RIMS2: variants seen among roughly 807,000 people sequenced by gnomAD.
RIMS2 encodes regulating synaptic membrane exocytosis 2, also known as regulating synaptic membrane exocytosis protein 2.
RIMS2 carries 59 observed loss-of-function variants against 174.4 expected under a neutral mutation model. The ratio of observed to expected loss-of-function variants is 0.34; its 90% CI spans 0.27 to 0.42. The LOEUF (loss-of-function observed/expected upper bound fraction) is 0.42. Among genes scored for constraint, RIMS2 ranks in the 10% least tolerant of loss-of-function variants. The probability of loss-of-function intolerance (pLI) is 1.00; values close to 1 mark genes in which losing one functional copy is unlikely to be tolerated. For synonymous variants in RIMS2, 606 were observed against 572.5 expected (o/e 1.06, Z -0.84); for missense variants, 1,620 against 1,666.3 (o/e 0.97, Z 0.48).
intron 17 of RIMS2, among the ~76,000 whole-genome samples, chr8:104,009,766 T>G (rs976695226): frequency 1.6e-4 from 25 of 152,168 alleles, no homozygotes; most frequent in African/African-American, 6.0e-4. Context: ...TTTTACAAAT[T>G]TACTTTTCAA....
chr8:103,774,259 GTGTT>G (rs1469079229), intron 3 of RIMS2, among the ~76,000 whole-genome samples: 1 of 152,166 alleles, frequency 6.6e-6, no homozygotes, highest in Non-Finnish European at 1.5e-5. Flanking sequence ...CATTAGAAAA[GTGTT>G]TGACAGTTTC....
intron 3 of RIMS2, among the ~76,000 whole-genome samples, chr8:103,795,673 AG>A (rs2098544775): frequency 6.6e-6 from 1 of 152,146 alleles, no homozygotes; most frequent in Non-Finnish European, 1.5e-5. Context: ...GCGTCCTAAA[AG>A]CAAAAGATAC....
chr8:103,801,589 T>G (rs1259377414), intron 3 of RIMS2, among the ~76,000 whole-genome samples: 1 of 152,224 alleles, frequency 6.6e-6, no homozygotes. Context: ...CCTTTATATC[T>G]GCCAGTACTA....
intron 3 of RIMS2, among the ~76,000 whole-genome samples, chr8:103,811,745 T>C (rs2098689219): frequency 6.6e-6 from 1 of 152,224 alleles, no homozygotes; most frequent in South Asian, 2.1e-4. Flanking sequence ...CACACCCAGC[T>C]GTTGCGAGGT....
At chr8:104,253,321 AC>A (rs2099363236), downstream of RIMS2, 1 of 152,188 alleles carries the variant, frequency 6.6e-6, no homozygotes, top group Non-Finnish European at 1.5e-5. Context: ...GTTTCCATTT[AC>A]TATGTGAATA....
chr8:103,898,042 G>A (rs2099300260), intron 4 of RIMS2, among the ~76,000 whole-genome samples: 1 of 151,516 alleles, frequency 6.6e-6, no homozygotes, highest in South Asian at 2.1e-4. Flanking sequence ...TTGGTGGTAG[G>A]TACAAGAGGT....
intron 3 of RIMS2, among the ~76,000 whole-genome samples, chr8:103,795,230 T>C (rs1005947816): frequency 6.6e-6 from 1 of 152,178 alleles, no homozygotes; most frequent in Non-Finnish European, 1.5e-5. Context: ...GTGGCACATA[T>C]ACACCTTGTA....
At chr8:104,106,037 CAAAAAAAAAAAAAAA>C (rs575916023) in intron 19 of RIMS2, among the ~76,000 whole-genome samples, 45 of 56,918 alleles carry the variant, frequency 7.9e-4, no homozygotes, top group Admixed American at 5.7e-3. Flanking sequence ...GACTCTGCCA[CAAAAAAAAAAAAAAA>C]AAAAAAAAAA....
chr8:103,813,314 A>C (rs2098699999), intron 3 of RIMS2, among the ~76,000 whole-genome samples: 1 of 152,156 alleles, frequency 6.6e-6, no homozygotes, highest in Non-Finnish European at 1.5e-5. Flanking sequence ...AGTTTGTGTT[A>C]ATTTTCTTAA....
In RIMS2 at chr8:103,942,945, C is replaced by T; in HGVS notation, c.2701+19C>T. 1.3e-6 allele frequency: 2 copies of T among 1,584,188 alleles called. No individual in the cohort carries two copies. Among genetic ancestry groups the T allele is most frequent in the Non-Finnish European group, 1.7e-6 (2 of 1,161,782 alleles). On this transcript the variant is annotated intron_variant, in intron 14 of 23. Coordinates refer to ENST00000504942, the Ensembl canonical transcript of RIMS2. Reference sequence around the variant, plus strand: ...TTGCAAAGTAAGTTTTACTAAAATTCTTTCATATTTTTATTGTATTTTCCT... The same window carrying T: ...TTGCAAAGTAAGTTTTACTAAAATTTTTTCATATTTTTATTGTATTTTCCT...
At chr8:103,606,114 T>C (rs1296859166) in intron 1 of RIMS2, among the ~76,000 whole-genome samples, 1 of 146,470 alleles carries the variant, frequency 6.8e-6, no homozygotes, top group African/African-American at 2.6e-5. Context: ...TTTGGATCTT[T>C]CCTGCTTTCT....
chr8:103,581,721 A>G (rs2093628968), intron 1 of RIMS2, among the ~76,000 whole-genome samples: 3 of 152,194 alleles, frequency 2.0e-5, no homozygotes, highest in South Asian at 4.1e-4. Context: ...TATACTTAGA[A>G]AAACGTGAGG....
At chr8:103,919,769 A>C (rs1395868622) in intron 9 of RIMS2, among the ~76,000 whole-genome samples, 1 of 152,200 alleles carries the variant, frequency 6.6e-6, no homozygotes, top group African/African-American at 2.4e-5. Context: ...TATACTTTAC[A>C]ATATGGTCCC....
intron 3 of RIMS2, among the ~76,000 whole-genome samples, chr8:103,858,361 G>A (rs1283496441): frequency 1.3e-5 from 2 of 151,744 alleles, no homozygotes; most frequent in Non-Finnish European, 1.5e-5. Flanking sequence ...TAAAAATTGA[G>A]TGAAACAATT....
At chr8:103,684,949 C>T (rs1417235262) in intron 1 of RIMS2, among the ~76,000 whole-genome samples, 1 of 152,054 alleles carries the variant, frequency 6.6e-6, no homozygotes, top group Non-Finnish European at 1.5e-5. Context: ...CTTTGTTTAT[C>T]CCAAGGTCAC....
chr8:104,012,436 G>A (rs2095794102), intron 17 of RIMS2, among the ~76,000 whole-genome samples: 1 of 150,276 alleles, frequency 6.7e-6, no homozygotes. Context: ...GGATGTCATT[G>A]AAACATTAGC....
intron 2 of RIMS2, among the ~76,000 whole-genome samples, chr8:103,734,291 G>A (rs867397899): frequency 2.0e-5 from 3 of 148,526 alleles, no homozygotes; most frequent in Non-Finnish European, 4.4e-5. Context: ...GATTACAGGC[G>A]TGAGCCACCA....
rs757566917 is a variant in RIMS2, at chr8:103,500,981, T to C, written c.95T>C (p.Leu32Pro). Residue 32 changes from leucine (L) to proline (P), a missense_variant, in exon 1 of 24, where the codon CTC becomes CCC. Transcript: ENST00000504942. ...CCCGAGATGCCTGACCTCAGCCACCTCACGGAGGAGGAGAGGAAAATCATC... is the reference window on the plus strand; with the variant it reads ...CCCGAGATGCCTGACCTCAGCCACCCCACGGAGGAGGAGAGGAAAATCATC... 1.9e-5 allele frequency: 31 copies of C among 1,611,116 alleles called. No homozygotes were observed. The highest frequency in any genetic ancestry group is 2.5e-5 in the Non-Finnish European group (30 of 1,179,096).
intron 1 of RIMS2, among the ~76,000 whole-genome samples, chr8:103,688,070 A>T (rs1297624965): frequency 6.6e-6 from 1 of 152,076 alleles, no homozygotes; most frequent in East Asian, 1.9e-4. Context: ...TTCCTTTTCA[A>T]TTTGGATGCC....
Sources: gnomAD v4.1 joint callset for allele counts (sites outside exome capture counted in the v4.1 genomes callset) on GRCh38, gnomAD v4.1.1 for gene constraint, MANE v1.5 for transcripts, NCBI Gene and HGNC (gene_info 2026-07-23, HGNC 2026-07-21) for gene names.